Variants in DLL1 observed in about 807,000 individuals in gnomAD.
DLL1 encodes the protein delta-like protein 1.
Under a neutral mutation model 75.1 loss-of-function variants are expected in DLL1, and 9 were observed. The ratio of observed to expected loss-of-function variants is 0.12; its 90% CI spans 0.07 to 0.21. The LOEUF (loss-of-function observed/expected upper bound fraction) is 0.21, where lower values mean the gene tolerates loss of function less well. Ranked by LOEUF, DLL1 falls within the 10% of genes least tolerant of loss-of-function variation. DLL1 has a pLI of 1.00. For missense variants in DLL1, 837 were observed against 1,007.6 expected (o/e 0.83, Z 2.29); for synonymous variants, 477 against 418.3 (o/e 1.14, Z -1.71).
At position 170,284,775 on chromosome 6, in the gene DLL1, G is replaced by A. The variant is rs1783657786; in HGVS notation, c.1249+144C>T. Reference sequence around the variant, plus strand: ...TTCCCCAGGCCTTTCCAGACTCAAAGATAGAGTTTCCATCGAGAATTCCTG... The same window carrying A: ...TTCCCCAGGCCTTTCCAGACTCAAAAATAGAGTTTCCATCGAGAATTCCTG... On this transcript the variant is annotated intron_variant, in intron 8 of 10. Coordinates refer to ENST00000366756, the MANE Select transcript of DLL1 (RefSeq NM_005618.4). The A allele has an allele frequency of 3.4e-6, 3 of 887,398 alleles. No homozygotes were observed. In the South Asian group the frequency reaches 4.2e-5, roughly 12 times the overall value. The allele number at this position is 887,398 out of a possible 1,614,324, so 55.0% of individuals were successfully genotyped here.
intron 3 of DLL1, 47 bp from the exon 4 acceptor site, chr6:170,288,543 G>T (rs992997055): frequency 1.9e-6 from 3 of 1,613,958 alleles, no homozygotes; most frequent in African/African-American, 2.7e-5. Context: ...AGAACCCTGT[G>T]ACTCGGGACA....
At chr6:170,287,259 AC>A (rs923795977) in intron 4 of DLL1, among the ~76,000 whole-genome samples, 1 of 152,068 alleles carries the variant, frequency 6.6e-6, no homozygotes, top group African/African-American at 2.4e-5. Context: ...CCCACCCTCA[AC>A]CCCAGGCACT....
chr6:170,290,261 C>A lies in DLL1; in HGVS notation c.-122G>T. On this transcript the variant is annotated 5_prime_UTR_variant, in exon 1 of 11. Transcript: ENST00000366756. The surrounding 1 kb of genome is among the most constrained non-coding windows in gnomAD (Gnocchi z 4.7). Reference sequence around the variant, plus strand: ...GCAGAAAAGCGCCCTTGCCTCGCCCCAGACCGCAGGACCCAGGACTTCTTT... The same window carrying A: ...GCAGAAAAGCGCCCTTGCCTCGCCCAAGACCGCAGGACCCAGGACTTCTTT... 1 of 1,170,070 alleles carries A rather than the reference C, an allele frequency of 8.5e-7. No individual in the cohort carries two copies. The highest frequency in any genetic ancestry group is 2.1e-4 in the Middle Eastern group (1 of 4,768). The allele number at this position is 1,170,070 out of a possible 1,614,324, so 72.5% of individuals were successfully genotyped here.
Position 170,283,917 on chromosome 6 carries a change from G to T in DLL1, c.1362C>A (p.Asn454Lys). The T allele has an allele frequency of 6.2e-7, 1 of 1,601,480 alleles. No individual in the cohort carries two copies. The highest frequency in any genetic ancestry group is 8.5e-7 in the Non-Finnish European group (1 of 1,177,048). ...TCACGCCATCCCGGCAGGTGCCCCC[G>T]TTGGCGCACGGGGAGGAGGCGCAGT... ...VDDCASSPCA[N>K]GGTCRDGVND... Residue 454 changes from asparagine (N) to lysine (K), a missense_variant, in exon 9 of 11, where the codon AAC becomes AAA. By Grantham distance (94) the Asn-to-Lys change is moderately conservative (BLOSUM62 0). Transcript: ENST00000366756.
rs371829749 is a variant in DLL1 at position 170,283,638 on chromosome 6, G to A, written c.1641C>T (p.Ala547=). Residue 547 remains alanine (A), a synonymous_variant, in exon 9 of 11, where the codon GCC becomes GCT. Transcript: ENST00000366756. ...EGQGGPFPWV[A]VCAGVILVLM... is the part of the protein sequence containing the mutation. Reference sequence around the variant, plus strand: ...GGACAAGGATGACCCCGGCGCACACGGCCACCCAGGGGAATGGCCCGCCCT... The same window carrying A: ...GGACAAGGATGACCCCGGCGCACACAGCCACCCAGGGGAATGGCCCGCCCT... The A allele has an allele frequency of 1.4e-4, 218 of 1,604,292 alleles. 2 individuals carry two copies. The South Asian group carries it at 1.8e-3, about 13-fold the overall frequency.
At chr6:170,282,961 G>A (rs1165256670) in intron 10 of DLL1, 27 bp downstream of exon 10, 4 of 1,613,966 alleles carry the variant, frequency 2.5e-6, no homozygotes, top group Non-Finnish European at 3.4e-6. Flanking sequence ...TGCCGAGGAG[G>A]AGGGAGCGGC....
chr6:170,283,191 C>T (rs374942843), intron 9 of DLL1, 40 bp downstream of exon 9: 5 of 1,613,394 alleles, frequency 3.1e-6, no homozygotes, highest in South Asian at 1.1e-5. Context: ...GAAGACACCC[C>T]CCAGGTACCC....
At position 170,289,747 on chromosome 6, in the gene DLL1, A is replaced by G; in HGVS notation, c.116T>C (p.Leu39Pro). The change falls in exon 2 of 11, where the codon CTG becomes CCG. Residue 39 changes from leucine to proline, a missense_variant. Transcript: ENST00000366756. The stretch of plus-strand genomic sequence containing the variant: ...CCCGCGGCAGCAGTTGCGGTTCCCC[A>G]GCAGCCCCTTCTTGTTGACGAACTC... ...LQEFVNKKGL[L>P]GNRNCCRGGA... is the part of the protein sequence containing the mutation. 1 of 1,552,668 alleles carries G rather than the reference A, an allele frequency of 6.4e-7. No individual in the cohort carries two copies. The highest frequency in any genetic ancestry group is 8.7e-7 in the Non-Finnish European group (1 of 1,148,066).
At chr6:170,288,828 G>T in intron 2 of DLL1, 39 bp from the exon 3 acceptor site, 1 of 1,612,348 alleles carries the variant, frequency 6.2e-7, no homozygotes, top group Non-Finnish European at 8.5e-7. Flanking sequence ...AACCCAGAAA[G>T]GTAACGAAAA....
At chr6:170,285,483 G>A in intron 6 of DLL1, 60 bp from the exon 7 acceptor site, 1 of 1,614,130 alleles carries the variant, frequency 6.2e-7, no homozygotes, top group Non-Finnish European at 8.5e-7. Flanking sequence ...AATGCAGGAA[G>A]ACTTTATTTT....
chr6:170,282,929 G>A, intron 10 of DLL1, 50 bp from the exon 11 acceptor site: 1 of 1,614,226 alleles, frequency 6.2e-7, no homozygotes, highest in Non-Finnish European at 8.5e-7. Flanking sequence ...CGATTCCCGT[G>A]CTCCAGCTTC....
Position 170,283,995 on chromosome 6 carries a change from C to G in DLL1, c.1284G>C (p.Leu428=). 6.4e-7 allele frequency: 1 copy of G among 1,567,774 alleles called. No homozygotes were observed. Among genetic ancestry groups the G allele is most frequent in the African/African-American group, 1.4e-5 (1 of 70,768 alleles). The change falls in exon 9 of 11, where the codon CTG becomes CTC. Residue 428 remains leucine (L), a synonymous_variant. Coordinates refer to ENST00000366756, the MANE Select transcript of DLL1 (RefSeq NM_005618.4). Reference sequence around the variant, plus strand: ...CCGAGAAGCCGGCCTGGCAGCGGCACAGGTAGGCATCACCGAGGTCCACAC... The same window carrying G: ...CCGAGAAGCCGGCCTGGCAGCGGCAGAGGTAGGCATCACCGAGGTCCACAC... ...AKCVDLGDAY[L]CRCQAGFSGR...
chr6:170,289,990 C>G, intron 1 of DLL1, 96 bp downstream of exon 1: 2 of 1,343,984 alleles, frequency 1.5e-6, no homozygotes, highest in South Asian at 1.8e-5. Context: ...TGGCGCGGCC[C>G]GTGCCGCTGT....
Position 170,283,403 on chromosome 6 carries a change from TGTG to T in DLL1, c.1873_1875del (p.His625del), listed in dbSNP as rs759867652. 472 of 1,611,120 alleles carry T rather than the reference TGTG, an allele frequency of 2.9e-4. No individual in the cohort carries two copies. The highest frequency in any genetic ancestry group is 3.6e-4 in the Non-Finnish European group (420 of 1,180,024). On this transcript the variant is annotated inframe_deletion, in exon 9 of 11. Transcript: ENST00000366756. ...GCCTTGAAGCCATTCTTGTCGGCGCTGTGGTCCCCGTGGAAGTCCGCCTTCTTG... is the reference window on the plus strand; with the variant it reads ...GCCTTGAAGCCATTCTTGTCGGCGCTGTCCCCGTGGAAGTCCGCCTTCTTG...
Position 170,282,560 on chromosome 6 carries a change from C to T in DLL1, c.*314G>A. On this transcript the variant is annotated 3_prime_UTR_variant, in exon 11 of 11. Transcript: ENST00000366756. The stretch of plus-strand genomic sequence containing the variant: ...AAGAAAAGACTGGCTCATAAGAATC[C>T]AAAATATACACTCAGGCAGTGCATG... The T allele has an allele frequency of 1.9e-6, 1 of 530,254 alleles. No homozygotes were observed. Among genetic ancestry groups the T allele is most frequent in the Non-Finnish European group, 3.4e-6 (1 of 298,450 alleles). The allele number at this position is 530,254 out of a possible 1,614,324, so 32.8% of individuals were successfully genotyped here.
At chr6:170,289,387 G>A (rs1333933697) in intron 2 of DLL1, 125 bp downstream of exon 2, 3 of 1,402,376 alleles carry the variant, frequency 2.1e-6, no homozygotes, top group Non-Finnish European at 2.9e-6. Flanking sequence ...GCAGATCGCA[G>A]CGCCCACCTG....
Position 170,290,805 on chromosome 6 carries a change from A to G in DLL1, c.-666T>C, listed in dbSNP as rs1211737012. 5.1e-6 allele frequency: 3 copies of G among 592,354 alleles called. No individual in the cohort carries two copies. Among genetic ancestry groups the G allele is most frequent in the East Asian group, 2.9e-5 (1 of 34,316 alleles). The allele number at this position is 592,354 out of a possible 1,614,324, so 36.7% of individuals were successfully genotyped here. A position where few individuals can be genotyped will look rare whatever the true frequency, so the allele number is the denominator to read the frequency against. On this transcript the variant is annotated 5_prime_UTR_variant, in exon 1 of 11. Transcript: ENST00000366756. The surrounding 1 kb of genome is among the most constrained non-coding windows in gnomAD (Gnocchi z 4.7). ...CCGATGAATCCAGCCAATGCCATCC[A>G]GTACACACGCGCAGGACCGGAGGGG...
At chr6:170,289,428 C>A in intron 2 of DLL1, 84 bp downstream of exon 2, 3 of 1,510,012 alleles carry the variant, frequency 2.0e-6, no homozygotes, top group Non-Finnish European at 2.6e-6. Context: ...GTCCCGCCAC[C>A]GAGCGCCCAA....
At position 170,289,825 on chromosome 6, in the gene DLL1, G is replaced by A; in HGVS notation, c.55-17C>T. 1.3e-6 allele frequency: 2 copies of A among 1,550,706 alleles called. No individual in the cohort carries two copies. The highest frequency in any genetic ancestry group is 1.7e-6 in the Non-Finnish European group (2 of 1,147,146). Reference sequence around the variant, plus strand: ...GCTCCAGACCTGCACGGGGGAGGGCGGGGGCGTGAGGACGCGGGTCCCGCC... The same window carrying A: ...GCTCCAGACCTGCACGGGGGAGGGCAGGGGCGTGAGGACGCGGGTCCCGCC... On this transcript the variant is annotated splice_polypyrimidine_tract_variant and intron_variant, in intron 1 of 10. Transcript: ENST00000366756.
Sources: allele counts gnomAD v4.1 joint callset (sites outside exome capture counted in the v4.1 genomes callset), GRCh38; gene constraint gnomAD v4.1.1; non-coding constraint Gnocchi (gnomAD v3.1); transcripts MANE v1.5; gene names NCBI Gene and HGNC (gene_info 2026-07-23, HGNC 2026-07-21).